Variants in KLF12 observed in about 807,000 individuals in gnomAD.
KLF12 encodes the protein KLF transcription factor 12, also known as Krueppel-like factor 12.
A neutral mutation model predicts 37.8 loss-of-function variants in KLF12; 9 were observed. That is an observed-to-expected ratio of 0.24 (90% CI 0.14 to 0.42). The LOEUF (loss-of-function observed/expected upper bound fraction) is 0.42, where lower values mean the gene tolerates loss of function less well. KLF12 is among the 10% of genes least tolerant of loss of function. The probability of loss-of-function intolerance (pLI) is 1.00; values close to 1 mark genes in which losing one functional copy is unlikely to be tolerated. For synonymous variants in KLF12, 208 were observed against 202.1 expected, an observed-to-expected ratio of 1.03 and a Z score of -0.25; for missense variants, 411 against 516.0, an observed-to-expected ratio of 0.80 and a Z score of 1.97.
chr13:74,037,535 C>A (rs1893286903), intron 1 of KLF12, among the ~76,000 whole-genome samples: 1 of 152,142 alleles, frequency 6.6e-6, no homozygotes, highest in African/African-American at 2.4e-5. Context: ...TTTTTGCTCA[C>A]AGAAGCATTT....
At chr13:74,093,967 C>CA (rs59531736) in intron 1 of KLF12, among the ~76,000 whole-genome samples, 90 of 122,620 alleles carry the variant, frequency 7.3e-4, no homozygotes, top group Middle Eastern at 3.9e-3. Flanking sequence ...CAGTAAAATG[C>CA]AAAAAAAAAA....
the KLF12 span, among the ~76,000 whole-genome samples, chr13:74,148,450 A>C: frequency 1.4e-4 from 13 of 96,256 alleles, no homozygotes; most frequent in South Asian, 4.1e-4. Flanking sequence ...CTCTCCTCCC[A>C]TCTTCTCTGG....
chr13:73,710,353 C>T lies in KLF12; in HGVS notation c.1027+5015G>A, dbSNP rs750689129. ...GCATATCTTATTTTCCTGCACTTCA[C>T]TTTATTGCATTTCGAAGATATTGTC... On this transcript the variant is annotated intron_variant, in intron 7 of 7. Coordinates refer to ENST00000377669, the MANE Select transcript of KLF12 (RefSeq NM_007249.5). Among the ~76,000 whole-genome samples, 22 of 151,122 alleles carry T rather than the reference C, an allele frequency of 1.5e-4. 1 individual carries two copies. The highest frequency in any genetic ancestry group is 4.2e-4 in the South Asian group (2 of 4,752).
chr13:74,125,806 A>G lies in KLF12; in HGVS notation c.-32+7933T>C, dbSNP rs546398196. 1.1e-3 allele frequency among the ~76,000 whole-genome samples: 161 copies of G among 152,364 alleles called. 2 individuals carry two copies. Among genetic ancestry groups the G allele is most frequent in the East Asian group, 3.5e-3 (18 of 5,192 alleles). On this transcript the variant is annotated intron_variant, in intron 1 of 7. Coordinates refer to ENST00000377669, the MANE Select transcript of KLF12 (RefSeq NM_007249.5). ...TATGATCTACAACAAATATAATAATACAGCCTCTAAACCATATTTATTTGT... is the reference window on the plus strand; with the variant it reads ...TATGATCTACAACAAATATAATAATGCAGCCTCTAAACCATATTTATTTGT...
intron 1 of KLF12, among the ~76,000 whole-genome samples, chr13:74,007,087 T>C (rs1157385405): frequency 1.3e-5 from 2 of 152,082 alleles, no homozygotes; most frequent in African/African-American, 4.8e-5. Context: ...CTCTCCTGCA[T>C]TATCATCTCC....
At chr13:74,299,725 C>A in the KLF12 span, among the ~76,000 whole-genome samples, 1 of 152,100 alleles carries the variant, frequency 6.6e-6, no homozygotes, top group Non-Finnish European at 1.5e-5. Flanking sequence ...GAATTTAAAG[C>A]AGAGGAAGCA....
intron 5 of KLF12, among the ~76,000 whole-genome samples, chr13:73,772,598 T>C (rs1193224421): frequency 6.6e-6 from 1 of 152,074 alleles, no homozygotes; most frequent in Non-Finnish European, 1.5e-5. Flanking sequence ...CACAAATTGG[T>C]GTAGACAACC....
In KLF12 at chr13:73,927,943, C is replaced by T. The variant is rs535473048; in HGVS notation, c.123+16038G>A. Among the ~76,000 whole-genome samples the T allele has an allele frequency of 9.9e-5, 15 of 151,400 alleles. No individual in the cohort carries two copies. In the South Asian group the frequency reaches 2.7e-3, roughly 28 times the overall value. ...CATGATCTCGGCTCACTGCAACCTC[C>T]GCCTCCCGGGTTCAAGTGATTCTCC... On this transcript the variant is annotated intron_variant, in intron 3 of 7. Transcript: ENST00000377669.
chr13:74,129,033 T>C (rs1878110323), intron 1 of KLF12, among the ~76,000 whole-genome samples: 1 of 152,194 alleles, frequency 6.6e-6, no homozygotes, highest in Non-Finnish European at 1.5e-5. Context: ...AATATATATG[T>C]ATATACAGTA....
intron 3 of KLF12, among the ~76,000 whole-genome samples, chr13:73,860,234 T>C (rs1885847604): frequency 6.6e-6 from 1 of 152,230 alleles, no homozygotes; most frequent in Admixed American, 6.5e-5. Flanking sequence ...CTAAATTAGA[T>C]GCCACTCTTC....
upstream of KLF12, among the ~76,000 whole-genome samples, chr13:74,134,235 C>T (rs2139044534): frequency 6.6e-6 from 1 of 151,962 alleles, no homozygotes; most frequent in African/African-American, 2.4e-5. Flanking sequence ...GCTCCGGGTC[C>T]TCCTCCCCAG....
intron 3 of KLF12, among the ~76,000 whole-genome samples, chr13:73,919,909 T>C (rs1032296904): frequency 1.4e-4 from 22 of 152,308 alleles, no homozygotes; most frequent in African/African-American, 2.4e-5. Context: ...ATTATTTCTT[T>C]ATTATAAATT....
intron 1 of KLF12, among the ~76,000 whole-genome samples, chr13:74,095,515 A>G (rs1366360232): frequency 6.6e-6 from 1 of 152,022 alleles, no homozygotes; most frequent in Admixed American, 6.6e-5. Context: ...CAGCCTCCCA[A>G]ATAGCTGGGA....
the KLF12 span, among the ~76,000 whole-genome samples, chr13:74,234,401 T>G: frequency 6.6e-6 from 1 of 152,226 alleles, no homozygotes; most frequent in Non-Finnish European, 1.5e-5. Flanking sequence ...GCTTAATTTT[T>G]TTCTGAACCA....
chr13:74,250,029 A>G, the KLF12 span, among the ~76,000 whole-genome samples: 1 of 152,208 alleles, frequency 6.6e-6, no homozygotes, highest in African/African-American at 2.4e-5. Context: ...AGACACATTG[A>G]GACATAATTA....
the KLF12 span, among the ~76,000 whole-genome samples, chr13:74,277,668 C>T: frequency 6.6e-6 from 1 of 152,134 alleles, no homozygotes; most frequent in African/African-American, 2.4e-5. Flanking sequence ...TTCTATAGGG[C>T]TATTCCTTCC....
intron 2 of KLF12, among the ~76,000 whole-genome samples, chr13:73,975,094 G>A (rs1442786710): frequency 6.6e-6 from 1 of 152,128 alleles, no homozygotes; most frequent in Non-Finnish European, 1.5e-5. Flanking sequence ...AGTAAAAGAT[G>A]TATGTTCATC....
the KLF12 span, among the ~76,000 whole-genome samples, chr13:74,288,300 C>T: frequency 6.6e-6 from 1 of 152,190 alleles, no homozygotes; most frequent in Non-Finnish European, 1.5e-5. Context: ...ATCAGTCCAG[C>T]TCATCTAAGA....
intron 7 of KLF12, among the ~76,000 whole-genome samples, chr13:73,703,714 A>C (rs1301450631): frequency 6.6e-6 from 1 of 152,218 alleles, no homozygotes; most frequent in Non-Finnish European, 1.5e-5. Context: ...CTTCCTAAAG[A>C]AGTCGTTGCA....
Sources: allele counts gnomAD v4.1 joint callset (sites outside exome capture counted in the v4.1 genomes callset), GRCh38; gene constraint gnomAD v4.1.1; transcripts MANE v1.5; gene names NCBI Gene and HGNC (gene_info 2026-07-23, HGNC 2026-07-21).